ABCC5: variants seen among roughly 807,000 people sequenced by gnomAD.
ABCC5 encodes the protein ATP binding cassette subfamily C member 5.
ABCC5 carries 61 observed loss-of-function variants against 160.9 expected under a neutral mutation model. That is an observed-to-expected ratio of 0.38 (90% confidence interval 0.31 to 0.47). The LOEUF is 0.47. Among genes scored for constraint, ABCC5 ranks in the 20% least tolerant of loss-of-function variants. The pLI is 0.99. For synonymous variants in ABCC5, 666 were observed against 700.6 expected, an observed-to-expected ratio of 0.95 and a Z score of 0.78; for missense variants, 1,308 against 1,813.3, an observed-to-expected ratio of 0.72 and a Z score of 5.06.
At position 183,949,858 on chromosome 3, in the gene ABCC5, C is replaced by T. The variant is rs376038853; in HGVS notation, c.3122G>A (p.Arg1041His). 2.8e-5 allele frequency: 46 copies of T among 1,614,198 alleles called. 1 individual carries two copies. In the Middle Eastern group the frequency reaches 2.0e-3, roughly 69 times the overall value. The change falls in exon 22 of 30, where the codon CGT becomes CAT. Residue 1041 changes from arginine to histidine, a missense_variant. By Grantham distance (29) the Arg-to-His change is conservative. This residue lies in a region of ABCC5 where 1,142 missense variants were observed against 1,527.1 expected (regional missense o/e 0.75). Transcript: ENST00000334444. This position sits in a 1 kb window ranked among gnomAD's most constrained non-coding sequence, Gnocchi z 4.2. ...AGGTGACTGCGTGATATTGTCCAGACGCTTCAGCTCCCGAATCAGGACCCT... is the reference window on the plus strand; with the variant it reads ...AGGTGACTGCGTGATATTGTCCAGATGCTTCAGCTCCCGAATCAGGACCCT... ...VSRVLIRELK[R>H]LDNITQSPFL...
In ABCC5 at chr3:183,953,256, G is replaced by C; in HGVS notation, c.2497C>G (p.Leu833Val). Residue 833 changes from leucine to valine, a missense_variant, in exon 18 of 30, where the codon CTG becomes GTG. Coordinates refer to ENST00000334444, the MANE Select transcript of ABCC5 (RefSeq NM_005688.4). The part of the protein sequence containing the change: ...VKPEEGQLVQ[L>V]EEKGQGSVPW... ...ACTGAACCCTGCCCTTTCTCTTCCA[G>C]CTGCACAAGCTGCCCTAGGTAAGAA... 1 of 1,608,606 alleles carries C rather than the reference G, an allele frequency of 6.2e-7. No homozygotes were observed. Among genetic ancestry groups the C allele is most frequent in the Non-Finnish European group, 8.5e-7 (1 of 1,177,548 alleles).
intron 25 of ABCC5, among the ~76,000 whole-genome samples, chr3:183,938,337 T>C (rs762553481): frequency 2.0e-5 from 3 of 152,010 alleles, no homozygotes; most frequent in Non-Finnish European, 4.4e-5. Flanking sequence ...CTCACTCTGC[T>C]GCCCAGGCTG....
At chr3:183,926,950 C>G (rs1184071156) in intron 28 of ABCC5, among the ~76,000 whole-genome samples, 2 of 151,736 alleles carry the variant, frequency 1.3e-5, no homozygotes, top group African/African-American at 4.8e-5. Flanking sequence ...GAGGCTGAGG[C>G]AGGAGAATCA....
chr3:183,948,086 C>A (rs1026818957), intron 22 of ABCC5, among the ~76,000 whole-genome samples: 2 of 152,184 alleles, frequency 1.3e-5, no homozygotes, highest in African/African-American at 2.4e-5. Context: ...ACTGAAGGAG[C>A]ATGGCACGGC....
At chr3:183,937,784 A>G (rs1713886216) in intron 26 of ABCC5, 117 bp downstream of exon 26, 3 of 1,154,586 alleles carry the variant, frequency 2.6e-6, no homozygotes, top group South Asian at 3.0e-5. Flanking sequence ...TGGGAAAAGC[A>G]CCAGACTAGA....
Position 183,921,648 on chromosome 3 carries a change from CA to C in ABCC5, c.4213-248del, listed in dbSNP as rs74271190. On this transcript the variant is annotated intron_variant, in intron 29 of 29. Coordinates refer to ENST00000334444, the MANE Select transcript of ABCC5 (RefSeq NM_005688.4). This position sits in a 1 kb window ranked among gnomAD's most constrained non-coding sequence, Gnocchi z 4.1. ...TTTGCCTAATAAAGTAGTATCATAGCAAAAAAAAAAAAAGAAAACGACTTCC... is the reference window on the plus strand; with the variant it reads ...TTTGCCTAATAAAGTAGTATCATAGCAAAAAAAAAAAAGAAAACGACTTCC... Among the ~76,000 whole-genome samples, 580 of 128,694 alleles carry C rather than the reference CA, an allele frequency of 4.5e-3. 2 individuals carry two copies. The highest frequency in any genetic ancestry group is 7.7e-3 in the Middle Eastern group (2 of 260). The allele number at this position is 128,694 out of a possible 152,430, so 84.4% of individuals were successfully genotyped here.
intron 22 of ABCC5, among the ~76,000 whole-genome samples, chr3:183,948,076 A>C (rs568630920): frequency 6.6e-6 from 1 of 152,336 alleles, no homozygotes; most frequent in African/African-American, 2.4e-5. Flanking sequence ...TACTGCTGCT[A>C]CTGAAGGAGC....
Position 183,987,162 on chromosome 3 carries a change from C to CGTAT in ABCC5, c.591+607_591+608insATAC. 1 of 161,456 alleles carries CGTAT rather than the reference C, an allele frequency of 6.2e-6. No individual in the cohort carries two copies. The highest frequency in any genetic ancestry group is 5.8e-5 in the Admixed American group (1 of 17,268). The allele number at this position is 161,456 out of a possible 1,614,324, so 10.0% of individuals were successfully genotyped here. A position where few individuals can be genotyped will look rare whatever the true frequency, so the allele number is the denominator to read the frequency against. On this transcript the variant is annotated intron_variant, in intron 5 of 29. Coordinates refer to ENST00000334444, the MANE Select transcript of ABCC5 (RefSeq NM_005688.4). The surrounding 1 kb of genome is among the most constrained non-coding windows in gnomAD (Gnocchi z 4.2). ...CACAGCAGGTGTAAGAAACAGGTGC[C>CGTAT]CAGGAAACAGAGTGAACGTCAAAGG...
At chr3:183,965,073 C>T (rs753005603) in intron 14 of ABCC5, 112 bp downstream of exon 14, 662 of 1,102,562 alleles carry the variant, frequency 6.0e-4, no homozygotes, top group Non-Finnish European at 8.5e-4. Flanking sequence ...TAATGACAGC[C>T]TAACTCCCTG....
chr3:184,001,178 A>G (rs923582260), intron 2 of ABCC5: 1 of 466,946 alleles, frequency 2.1e-6, no homozygotes, highest in Non-Finnish European at 3.8e-6. Context: ...ACAGGAGCCC[A>G]GGTGTTTGAC....
chr3:183,943,772 T>C (rs1308752599), intron 24 of ABCC5, among the ~76,000 whole-genome samples: 1 of 152,110 alleles, frequency 6.6e-6, no homozygotes, highest in Non-Finnish European at 1.5e-5. Flanking sequence ...AGGGTCCACT[T>C]TGTACCACCA....
At chr3:183,959,922 A>G (rs1365633231) in intron 16 of ABCC5, 87 bp from the exon 17 acceptor site, 1 of 902,370 alleles carries the variant, frequency 1.1e-6, no homozygotes, top group African/African-American at 1.7e-5. Flanking sequence ...ATCATCAATT[A>G]AACTGCTATT....
rs894881467 is a variant in ABCC5, at chr3:184,002,464, T to C, written c.129+11800A>G. On this transcript the variant is annotated intron_variant, in intron 2 of 29. Coordinates refer to ENST00000334444, the MANE Select transcript of ABCC5 (RefSeq NM_005688.4). ...AAAGCAATTCAGATTCTGTCAAGGT[T>C]CAAACAAAGATCAGGGAAACACACA... is the stretch of plus-strand genomic sequence containing the variant. Among the ~76,000 whole-genome samples the C allele has an allele frequency of 2.0e-5, 3 of 151,540 alleles. No homozygotes were observed. In the South Asian group the frequency reaches 6.2e-4, roughly 32 times the overall value.
At chr3:184,002,134 A>C (rs900966451) in intron 2 of ABCC5, among the ~76,000 whole-genome samples, 1 of 152,190 alleles carries the variant, frequency 6.6e-6, no homozygotes, top group African/African-American at 2.4e-5. Flanking sequence ...GGGGTGGCTT[A>C]TGCTTGTAAT....
chr3:183,985,575 G>A, intron 5 of ABCC5: 1 of 692,850 alleles, frequency 1.4e-6, no homozygotes, highest in South Asian at 1.5e-5. Flanking sequence ...CACTGCAGGA[G>A]GCGGCCTTCT....
At position 183,983,017 on chromosome 3, in the gene ABCC5, G is replaced by C; in HGVS notation, c.592-10C>G. The C allele has an allele frequency of 6.2e-7, 1 of 1,602,876 alleles. No homozygotes were observed. The highest frequency in any genetic ancestry group is 8.5e-7 in the Non-Finnish European group (1 of 1,169,880). ...GTTTCACCATGAAGGCCTACAGGGA[G>C]AGACACACACCACTGTCAACATCTC... is the stretch of plus-strand genomic sequence containing the variant. On this transcript the variant is annotated splice_polypyrimidine_tract_variant and intron_variant, in intron 5 of 29. Coordinates refer to ENST00000334444, the MANE Select transcript of ABCC5 (RefSeq NM_005688.4).
rs1394204007 is a variant in ABCC5 at position 183,982,877 on chromosome 3, G to A, written c.722C>T (p.Ala241Val). 1.9e-6 allele frequency: 3 copies of A among 1,614,088 alleles called. No homozygotes were observed. The highest frequency in any genetic ancestry group is 8.5e-7 in the Non-Finnish European group (1 of 1,180,052). Reference protein sequence around the residue: ...VRSWSLALTWALNYRTGVRLR... With the variant: ...VRSWSLALTWVLNYRTGVRLR... ...GCGGACACCGGTTCGGTAATTCAATGCCCAAGTCAGTGCAAGCGACCAAGA... is the reference window on the plus strand; with the variant it reads ...GCGGACACCGGTTCGGTAATTCAATACCCAAGTCAGTGCAAGCGACCAAGA... Residue 241 changes from alanine to valine, a missense_variant, in exon 6 of 30, where the codon GCA (alanine) becomes GTA (valine). Ala to Val is a moderately conservative substitution (Grantham distance 64). Around this residue, in one of 3 missense-constraint regions of ABCC5, gnomAD observed 1,142 missense variants for 1,527.1 expected, o/e 0.75. Transcript: ENST00000334444. The surrounding 1 kb of genome is among the most constrained non-coding windows in gnomAD (Gnocchi z 5.2).
In ABCC5 at chr3:183,987,695, G is replaced by C. The variant is rs1346429901; in HGVS notation, c.591+75C>G. 1.3e-6 allele frequency: 2 copies of C among 1,597,964 alleles called. No individual in the cohort carries two copies. Among genetic ancestry groups the C allele is most frequent in the East Asian group, 4.5e-5 (2 of 44,228 alleles). ...TAGCCCAAAGCTGAGCACAACCTCTGCAACAGAATAAGAGTGTTAGAGCTG... is the reference window on the plus strand; with the variant it reads ...TAGCCCAAAGCTGAGCACAACCTCTCCAACAGAATAAGAGTGTTAGAGCTG... On this transcript the variant is annotated intron_variant, in intron 5 of 29. Transcript: ENST00000334444. This position sits in a 1 kb window ranked among gnomAD's most constrained non-coding sequence, Gnocchi z 4.2.
At chr3:183,933,220 TG>T (rs1713352872) in intron 26 of ABCC5, among the ~76,000 whole-genome samples, 1 of 148,910 alleles carries the variant, frequency 6.7e-6, no homozygotes, top group African/African-American at 2.5e-5. Context: ...AGAAGGCACC[TG>T]AAGAAGAAGA....
Sources: allele counts gnomAD v4.1 joint callset (sites outside exome capture counted in the v4.1 genomes callset), GRCh38; gene constraint gnomAD v4.1.1; regional missense constraint gnomAD v4.1.1; non-coding constraint Gnocchi (gnomAD v3.1); transcripts MANE v1.5; gene names NCBI Gene and HGNC (gene_info 2026-07-23, HGNC 2026-07-21).